The following UBQLN1 variants were observed in gnomAD, a reference collection of about 807,000 sequenced individuals.
UBQLN1 encodes the protein ubiquilin-1.
UBQLN1 carries 13 observed loss-of-function variants against 65.4 expected under a neutral mutation model. The observed-to-expected ratio is 0.20, with a 90% CI of 0.13 to 0.32. The LOEUF (loss-of-function observed/expected upper bound fraction) is 0.32. Ranked by LOEUF, UBQLN1 falls within the 10% of genes least tolerant of loss-of-function variation. UBQLN1 has a pLI of 1.00. For missense variants in UBQLN1, 561 were observed against 724.0 expected (o/e 0.77, Z 2.58); for synonymous variants, 267 against 247.8 (o/e 1.08, Z -0.73).
intron 8 of UBQLN1, 99 bp downstream of exon 8, chr9:83,666,250 TG>T (rs1405270325): frequency 4.5e-6 from 5 of 1,119,910 alleles, no homozygotes; most frequent in Non-Finnish European, 6.7e-6. Flanking sequence ...CTCTATTCTA[TG>T]TTTTGCTATC....
At chr9:83,664,132 C>A in intron 9 of UBQLN1, 89 bp from the exon 10 acceptor site, 2 of 1,430,716 alleles carry the variant, frequency 1.4e-6, no homozygotes, top group Non-Finnish European at 1.9e-6. Context: ...ATAAGCTAAG[C>A]CATCTTCTTA....
At chr9:83,679,086 G>C (rs1189372657) in intron 4 of UBQLN1, among the ~76,000 whole-genome samples, 1 of 152,158 alleles carries the variant, frequency 6.6e-6, no homozygotes, top group Non-Finnish European at 1.5e-5. Flanking sequence ...AACCAAAATA[G>C]AGCCACTTGT....
At chr9:83,664,178 CT>C in intron 9 of UBQLN1, 135 bp from the exon 10 acceptor site, 1 of 853,720 alleles carries the variant, frequency 1.2e-6, no homozygotes, top group Non-Finnish European at 1.7e-6. Flanking sequence ...GTGGCTCATT[CT>C]GGGAGACCGA....
chr9:83,698,124 T>C (rs1397628887), intron 1 of UBQLN1, among the ~76,000 whole-genome samples: 2 of 152,222 alleles, frequency 1.3e-5, no homozygotes, highest in African/African-American at 4.8e-5. Context: ...GCATCATGCC[T>C]TATAAATCAT....
At chr9:83,666,023 C>A (rs1373731080) in intron 8 of UBQLN1, among the ~76,000 whole-genome samples, 1 of 152,074 alleles carries the variant, frequency 6.6e-6, no homozygotes, top group Non-Finnish European at 1.5e-5. Flanking sequence ...AACCATAAAG[C>A]GTAACATGAC....
At chr9:83,706,111 C>T (rs1443405908) in intron 1 of UBQLN1, among the ~76,000 whole-genome samples, 1 of 121,660 alleles carries the variant, frequency 8.2e-6, no homozygotes, top group East Asian at 2.8e-4. Flanking sequence ...CATTTCACTG[C>T]TGCCAAAATT....
intron 6 of UBQLN1, among the ~76,000 whole-genome samples, chr9:83,670,753 T>G (rs1831715690): frequency 6.6e-6 from 1 of 152,122 alleles, no homozygotes; most frequent in African/African-American, 2.4e-5. Flanking sequence ...TTGGAGCCAA[T>G]CCTCTCAAAC....
At chr9:83,680,788 A>T (rs761874313) in intron 3 of UBQLN1, among the ~76,000 whole-genome samples, 2 of 152,144 alleles carry the variant, frequency 1.3e-5, no homozygotes, top group African/African-American at 2.4e-5. Context: ...CCTGAGGAGG[A>T]GGTCAGGGGA....
intron 1 of UBQLN1, among the ~76,000 whole-genome samples, chr9:83,693,403 T>C (rs1362665728): frequency 6.6e-6 from 1 of 152,248 alleles, no homozygotes; most frequent in African/African-American, 2.4e-5. Context: ...ACTGCTGTTC[T>C]GCAATATAGT....
chr9:83,683,533 G>A (rs1397011720), intron 2 of UBQLN1, among the ~76,000 whole-genome samples: 2 of 151,366 alleles, frequency 1.3e-5, no homozygotes, highest in Non-Finnish European at 2.9e-5. Context: ...TAAGCATTAG[G>A]AACAAAAAAT....
Position 83,668,547 on chromosome 9 carries a change from A to G in UBQLN1, c.1248+638T>C, listed in dbSNP as rs1020657500. On this transcript the variant is annotated intron_variant, in intron 7 of 10. Transcript: ENST00000376395. ...CAAAATCTCTAAGGATGAGGCCCCA[A>G]CCATCGGTACTGTCTATAAAGCTTC... The G allele has an allele frequency of 1.2e-5, 12 of 985,454 alleles. No individual in the cohort carries two copies. The African/African-American group carries it at 2.1e-4, about 17-fold the overall frequency. 61.0% of individuals were successfully genotyped at this position (985,454 alleles called of 1,614,324 possible). A position where few individuals can be genotyped will look rare whatever the true frequency, so the allele number is the denominator to read the frequency against.
chr9:83,673,047 T>C (rs1406701735), intron 6 of UBQLN1, among the ~76,000 whole-genome samples: 1 of 152,184 alleles, frequency 6.6e-6, no homozygotes, highest in African/African-American at 2.4e-5. Context: ...CTGGCCAACA[T>C]GGCGAAACCC....
rs372141255 is a variant in UBQLN1 at position 83,673,039 on chromosome 9, G to A, written c.1106-3712C>T. On this transcript the variant is annotated intron_variant, in intron 6 of 10. Transcript: ENST00000376395. ...TTTAGGTCAGGAGTTCAAGCAGCCT[G>A]GCCAACATGGCGAAACCCCGTCTCC... Among the ~76,000 whole-genome samples, 305 of 152,284 alleles carry A rather than the reference G, an allele frequency of 2.0e-3. 1 individual carries two copies. The highest frequency in any genetic ancestry group is 6.9e-3 in the African/African-American group (286 of 41,544).
At position 83,665,064 on chromosome 9, in the gene UBQLN1, T is replaced by C; in HGVS notation, c.1414A>G (p.Thr472Ala). 2.5e-6 allele frequency: 4 copies of C among 1,613,830 alleles called. No homozygotes were observed. Among genetic ancestry groups the C allele is most frequent in the Non-Finnish European group, 3.4e-6 (4 of 1,179,896 alleles). ...AGGCCCGGGGCTTCCGTTGCTAATG[T>C]CTGTAAACCCTGCTGAATCTGTAAC... ...ALLQIQQGLQ[T>A]LATEAPGLIP... Residue 472 changes from threonine (T) to alanine (A), a missense_variant, in exon 9 of 11, where the codon ACA (threonine) becomes GCA (alanine). Around this residue, in one of 8 missense-constraint regions of UBQLN1, gnomAD observed 102 missense variants for 150.7 expected, o/e 0.68. Coordinates refer to ENST00000376395, the MANE Select transcript of UBQLN1 (RefSeq NM_013438.5).
chr9:83,687,644 G>A (rs558672422), intron 1 of UBQLN1, among the ~76,000 whole-genome samples: 3 of 152,066 alleles, frequency 2.0e-5, no homozygotes, highest in Non-Finnish European at 2.9e-5. Flanking sequence ...AGGAAGGGAA[G>A]GCATATATAA....
At chr9:83,678,023 C>CTGTT in intron 5 of UBQLN1, 62 bp from the exon 6 acceptor site, 1 of 931,446 alleles carries the variant, frequency 1.1e-6, no homozygotes, top group Non-Finnish European at 1.5e-6. Flanking sequence ...AGATATGAAA[C>CTGTT]TTTTTTTTTT....
intron 2 of UBQLN1, 111 bp from the exon 3 acceptor site, chr9:83,683,177 C>A: frequency 1.7e-6 from 1 of 599,074 alleles, no homozygotes; most frequent in Non-Finnish European, 2.9e-6. Flanking sequence ...CTTTGGGAGG[C>A]CGAAGCTGGC....
chr9:83,678,427 A>G lies in UBQLN1; in HGVS notation c.870+14T>C, dbSNP rs1301672309. On this transcript the variant is annotated intron_variant, in intron 5 of 10. Coordinates refer to ENST00000376395, the MANE Select transcript of UBQLN1 (RefSeq NM_013438.5). ...AGCTACTCCTTGGCCTGAACCTTGG[A>G]GCCAGTGGATCACCTGCTCTTGTGC... 1.9e-6 allele frequency: 3 copies of G among 1,604,890 alleles called. No homozygotes were observed. The highest frequency in any genetic ancestry group is 2.6e-6 in the Non-Finnish European group (3 of 1,176,216).
intron 1 of UBQLN1, among the ~76,000 whole-genome samples, chr9:83,705,377 G>A (rs551661430): frequency 1.1e-4 from 16 of 151,808 alleles, no homozygotes; most frequent in African/African-American, 3.6e-4. Context: ...AGCCTCCCCA[G>A]TAGCTGGGAT....
Sources: gnomAD v4.1 joint callset for allele counts (sites outside exome capture counted in the v4.1 genomes callset) on GRCh38, gnomAD v4.1.1 for gene constraint, gnomAD v4.1.1 regional missense constraint, MANE v1.5 for transcripts, NCBI Gene and HGNC (gene_info 2026-07-23, HGNC 2026-07-21) for gene names.